The following FAM186A variants were observed in gnomAD, a reference collection of about 807,000 sequenced individuals.
FAM186A encodes protein FAM186A.
Under a neutral mutation model 216.8 loss-of-function variants are expected in FAM186A, and 163 were observed. The observed-to-expected ratio is 0.75, with a 90% CI of 0.66 to 0.86. The LOEUF (loss-of-function observed/expected upper bound fraction) is 0.86. Among genes scored for constraint, FAM186A ranks in the 40% least tolerant of loss-of-function variants. FAM186A has a pLI of 0.00. For synonymous variants in FAM186A, 805 were observed against 1,025.3 expected (o/e 0.79, Z 4.10); for missense variants, 2,184 against 2,746.2 (o/e 0.80, Z 4.58).
rs115407353 is a variant in FAM186A, at chr12:50,355,538, C to T, written c.1294G>A (p.Glu432Lys). 1,119 of 1,551,510 alleles carry T rather than the reference C, an allele frequency of 7.2e-4. 9 individuals are homozygous for T. The African/African-American group carries it at 0.014, about 19-fold the overall frequency. Residue 432 changes from glutamate to lysine, a missense_variant, in exon 4 of 8, where the codon GAA (glutamate) becomes AAA (lysine). Around this residue, in one of 7 missense-constraint regions of FAM186A, gnomAD observed 1,132 missense variants for 1,263.4 expected, o/e 0.90. Coordinates refer to ENST00000327337, the MANE Select transcript of FAM186A (RefSeq NM_001145475.3). ...GATACGTTATCTTTAGTGCTGTCTT[C>T]GGAAATATCTTCAGAAGCAACAGGT... is the stretch of plus-strand genomic sequence containing the variant. Reference protein sequence around the residue: ...QQPVASEDISEDSTKDNVSLK... With the variant: ...QQPVASEDISKDSTKDNVSLK...
intron 1 of FAM186A, among the ~76,000 whole-genome samples, chr12:50,380,541 A>G (rs1341208677): frequency 1.3e-5 from 2 of 150,572 alleles, no homozygotes; most frequent in East Asian, 3.9e-4. Context: ...AAAAAAAAAA[A>G]AAAAATTAGC....
chr12:50,331,609 G>GGAAAAA, intron 6 of FAM186A, 61 bp downstream of exon 6: 1 of 1,439,706 alleles, frequency 6.9e-7, no homozygotes, highest in East Asian at 2.5e-5. Context: ...CTTGGGCAGG[G>GGAAAAA]AAAAAAAAAT....
chr12:50,358,022 A>G (rs1942995864), intron 3 of FAM186A, among the ~76,000 whole-genome samples: 1 of 152,122 alleles, frequency 6.6e-6, no homozygotes, highest in African/African-American at 2.4e-5. Flanking sequence ...AAATCATACA[A>G]AGTATGTTTC....
chr12:50,350,259 T>C lies in FAM186A; in HGVS notation c.6503+70A>G. The C allele has an allele frequency of 2.2e-6, 3 of 1,333,838 alleles. No homozygotes were observed. In the South Asian group the frequency reaches 4.6e-5, roughly 21 times the overall value. 82.6% of individuals were successfully genotyped at this position (1,333,838 alleles called of 1,614,324 possible). On this transcript the variant is annotated intron_variant, in intron 4 of 7. Transcript: ENST00000327337. The stretch of plus-strand genomic sequence containing the variant: ...GGCCTGACAAATATGAATATACTTC[T>C]GGGACAATGACAGAAAATATTTGCA...
In FAM186A at chr12:50,331,748, G is replaced by A; in HGVS notation, c.6770C>T (p.Ser2257Phe). 1 of 1,550,266 alleles carries A rather than the reference G, an allele frequency of 6.5e-7. No individual in the cohort carries two copies. Among genetic ancestry groups the A allele is most frequent in the Non-Finnish European group, 8.7e-7 (1 of 1,146,620 alleles). Residue 2257 changes from serine (S) to phenylalanine (F), a missense_variant, in exon 6 of 8, where the codon TCT becomes TTT. Transcript: ENST00000327337. ...GAATGGCTTTTGAACAAATGTGGTAGAGGCAGGTATCTGCTTTTCTTCGAT... is the reference window on the plus strand; with the variant it reads ...GAATGGCTTTTGAACAAATGTGGTAAAGGCAGGTATCTGCTTTTCTTCGAT... Reference protein sequence around the residue: ...LIIEEKQIPASTTFVQKPFLK... With the variant: ...LIIEEKQIPAFTTFVQKPFLK...
chr12:50,373,946 A>G (rs1269641260), intron 1 of FAM186A, among the ~76,000 whole-genome samples: 3 of 151,956 alleles, frequency 2.0e-5, no homozygotes, highest in Non-Finnish European at 4.4e-5. Flanking sequence ...TGTGGCACAT[A>G]TACACCATGG....
At chr12:50,393,590 T>C (rs1424699301) in intron 1 of FAM186A, among the ~76,000 whole-genome samples, 1 of 151,534 alleles carries the variant, frequency 6.6e-6, no homozygotes, top group Non-Finnish European at 1.5e-5. Context: ...CTCAAGCCTG[T>C]AATCTTAGCA....
At chr12:50,389,167 A>G (rs1943333677) in intron 1 of FAM186A, among the ~76,000 whole-genome samples, 1 of 152,098 alleles carries the variant, frequency 6.6e-6, no homozygotes, top group South Asian at 2.1e-4. Context: ...AGAGTTAAAG[A>G]CTAGCTTGAG....
chr12:50,382,270 A>T (rs1463368212), intron 1 of FAM186A, among the ~76,000 whole-genome samples: 1 of 149,226 alleles, frequency 6.7e-6, no homozygotes, highest in Non-Finnish European at 1.5e-5. Flanking sequence ...AAAAAGACAC[A>T]CTCTTGTCCA....
intron 1 of FAM186A, among the ~76,000 whole-genome samples, chr12:50,379,887 G>C (rs566134135): frequency 5.9e-5 from 9 of 152,212 alleles, no homozygotes; most frequent in Non-Finnish European, 1.2e-4. Context: ...CTACTCATTT[G>C]TGCAAAATAA....
chr12:50,354,285 G>A lies in FAM186A; in HGVS notation c.2547C>T (p.Leu849=), dbSNP rs548158408. The change falls in exon 4 of 8, where the codon CTC becomes CTT. Residue 849 remains leucine, a synonymous_variant. Coordinates refer to ENST00000327337, the MANE Select transcript of FAM186A (RefSeq NM_001145475.3). The stretch of plus-strand genomic sequence containing the variant: ...TTATCTTCTCATAGTGCTCCTTCAA[G>A]AGATTTCTTTCTCCCAGCAACTGCT... The part of the protein sequence containing the change: ...LKQQLLGERN[L]LKEHYEKISE... 7.7e-5 allele frequency: 119 copies of A among 1,551,476 alleles called. No homozygotes were observed. In the African/African-American group the frequency reaches 1.5e-3, roughly 20 times the overall value.
At chr12:50,369,131 C>A (rs1398140159) in intron 1 of FAM186A, among the ~76,000 whole-genome samples, 1 of 152,012 alleles carries the variant, frequency 6.6e-6, no homozygotes, top group Non-Finnish European at 1.5e-5. Context: ...AGAAAGGCTT[C>A]ATGGCATTGG....
intron 1 of FAM186A, among the ~76,000 whole-genome samples, chr12:50,392,127 T>G (rs1943362203): frequency 8.6e-6 from 1 of 115,666 alleles, no homozygotes; most frequent in African/African-American, 3.5e-5. Flanking sequence ...AGCAGATTGG[T>G]GGTTAGCTGG....
chr12:50,336,140 A>C (rs1232963699), intron 4 of FAM186A, among the ~76,000 whole-genome samples: 1 of 136,722 alleles, frequency 7.3e-6, no homozygotes. Context: ...AAAAAAAAAG[A>C]GTAATAAAGA....
intron 1 of FAM186A, among the ~76,000 whole-genome samples, chr12:50,372,998 T>TGAAAGAAA (rs71083549): frequency 2.2e-4 from 11 of 49,050 alleles, no homozygotes; most frequent in African/African-American, 7.9e-4. Flanking sequence ...AAGGAAGGAA[T>TGAAAGAAA]GAAAGAAAGA....
chr12:50,394,215 A>C (rs1050919576), intron 1 of FAM186A, among the ~76,000 whole-genome samples: 1 of 151,936 alleles, frequency 6.6e-6, no homozygotes, highest in Non-Finnish European at 1.5e-5. Flanking sequence ...TACTTACCAC[A>C]CCTGGCCAAG....
chr12:50,345,202 C>A (rs1296533924), intron 4 of FAM186A, among the ~76,000 whole-genome samples: 1 of 152,070 alleles, frequency 6.6e-6, no homozygotes, highest in Non-Finnish European at 1.5e-5. Flanking sequence ...AACAAGAAAT[C>A]TTCAAACTAC....
intron 3 of FAM186A, 121 bp from the exon 4 acceptor site, chr12:50,356,369 G>A (rs1480765894): frequency 1.4e-6 from 1 of 733,734 alleles, no homozygotes; most frequent in East Asian, 3.0e-5. Flanking sequence ...ATAAGATAAA[G>A]ATTAATCTGA....
intron 1 of FAM186A, chr12:50,365,701 G>A: frequency 1.3e-6 from 1 of 742,586 alleles, no homozygotes; most frequent in Non-Finnish European, 2.5e-6. Context: ...AATCACAAAA[G>A]GCATTTCAAT....
Sources: allele counts gnomAD v4.1 joint callset (sites outside exome capture counted in the v4.1 genomes callset), GRCh38; gene constraint gnomAD v4.1.1; regional missense constraint gnomAD v4.1.1; transcripts MANE v1.5; gene names NCBI Gene and HGNC (gene_info 2026-07-23, HGNC 2026-07-21).